STPG2: variants seen among roughly 807,000 people sequenced by gnomAD.
STPG2 encodes sperm-tail PG-rich repeat-containing protein 2.
In STPG2, 56 loss-of-function variants were observed where a neutral mutation model predicts 54.2. That is an observed-to-expected ratio of 1.03 (90% CI 0.83 to 1.29). The LOEUF (loss-of-function observed/expected upper bound fraction) is 1.29. Ranked by LOEUF, STPG2 falls within the 50% of genes most tolerant of loss-of-function variation. The pLI is 0.00. For synonymous variants in STPG2, 200 were observed against 181.8 expected, an observed-to-expected ratio of 1.10 and a Z score of -0.81; for missense variants, 596 against 544.9, an observed-to-expected ratio of 1.09 and a Z score of -0.93.
chr4:98,083,792 T>C (rs536671863), intron 5 of STPG2, among the ~76,000 whole-genome samples: 2 of 152,306 alleles, frequency 1.3e-5, no homozygotes, highest in Middle Eastern at 3.4e-3. Context: ...ATATAGAATG[T>C]TAATATCACC....
At chr4:97,444,448 A>G (rs1199435986) in intron 4 of STPG2, among the ~76,000 whole-genome samples, 1 of 152,222 alleles carries the variant, frequency 6.6e-6, no homozygotes, top group African/African-American at 2.4e-5. Context: ...ACTTCATTAG[A>G]AACTATAGAG....
chr4:97,787,827 T>A (rs1024621728), intron 9 of STPG2, among the ~76,000 whole-genome samples: 1 of 151,860 alleles, frequency 6.6e-6, no homozygotes, highest in African/African-American at 2.4e-5. Context: ...CAGTAACTTA[T>A]GTATCTTGAC....
chr4:98,010,074 C>T (rs1336368507), intron 5 of STPG2, among the ~76,000 whole-genome samples: 1 of 151,674 alleles, frequency 6.6e-6, no homozygotes, highest in African/African-American at 2.4e-5. Flanking sequence ...TTTCATTGAT[C>T]TTCTGCATTT....
chr4:98,020,599 G>A (rs1736147192), intron 5 of STPG2, among the ~76,000 whole-genome samples: 1 of 152,164 alleles, frequency 6.6e-6, no homozygotes, highest in African/African-American at 2.4e-5. Context: ...AATGGTACCA[G>A]CTCCTCCTTG....
At chr4:97,957,393 G>GAA (rs1212521672) in intron 7 of STPG2, among the ~76,000 whole-genome samples, 3 of 151,488 alleles carry the variant, frequency 2.0e-5, no homozygotes. Context: ...AAAAAAATAA[G>GAA]AAAATATGAA....
intron 10 of STPG2, among the ~76,000 whole-genome samples, chr4:97,635,116 A>ATTCC (rs1343318735): frequency 6.6e-6 from 1 of 151,778 alleles, no homozygotes; most frequent in African/African-American, 2.4e-5. Context: ...CTCAAAGGGA[A>ATTCC]GCCCATCAGA....
chr4:97,730,089 G>A (rs893087167), intron 9 of STPG2, among the ~76,000 whole-genome samples: 1 of 152,140 alleles, frequency 6.6e-6, no homozygotes. Context: ...GAGTGTGACT[G>A]AACCCATAAC....
chr4:97,548,042 C>T (rs1355154864), intron 4 of STPG2, among the ~76,000 whole-genome samples: 1 of 152,006 alleles, frequency 6.6e-6, no homozygotes, highest in Admixed American at 6.6e-5. Context: ...CCCAGCTACT[C>T]GGGAGGCTGA....
intron 4 of STPG2, among the ~76,000 whole-genome samples, chr4:97,541,242 T>G (rs558604809): frequency 7.0e-4 from 107 of 152,200 alleles, no homozygotes; most frequent in African/African-American, 2.3e-3. Flanking sequence ...GCCCAAAATC[T>G]CCTTAAGCTG....
chr4:97,488,518 C>T (rs887603797), intron 4 of STPG2, among the ~76,000 whole-genome samples: 2 of 151,600 alleles, frequency 1.3e-5, no homozygotes, highest in Non-Finnish European at 3.0e-5. Flanking sequence ...AACAAATAGA[C>T]AAAATAGAAA....
At chr4:97,551,284 A>C (rs918434910) in intron 4 of STPG2, among the ~76,000 whole-genome samples, 9 of 152,212 alleles carry the variant, frequency 5.9e-5, no homozygotes, top group Non-Finnish European at 1.2e-4. Context: ...TACAGAGAAA[A>C]ATAGAGTATC....
At chr4:97,889,599 T>C (rs1396647371) in intron 8 of STPG2, among the ~76,000 whole-genome samples, 2 of 152,130 alleles carry the variant, frequency 1.3e-5, no homozygotes, top group Non-Finnish European at 2.9e-5. Context: ...CACTAATATG[T>C]GGAATTGAAA....
At chr4:98,030,286 G>A (rs1267172798) in intron 5 of STPG2, among the ~76,000 whole-genome samples, 4 of 152,092 alleles carry the variant, frequency 2.6e-5, no homozygotes, top group Admixed American at 2.0e-4. Flanking sequence ...TCTGGCTTCT[G>A]CACAGCTCAC....
At chr4:97,811,489 G>A (rs924405701) in intron 9 of STPG2, among the ~76,000 whole-genome samples, 23 of 151,778 alleles carry the variant, frequency 1.5e-4, no homozygotes, top group Admixed American at 3.9e-4. Context: ...TTTAAACATA[G>A]TTCCATTGTC....
intron 9 of STPG2, among the ~76,000 whole-genome samples, chr4:97,752,955 C>T (rs936204): frequency 0.84 from 127,259 of 151,754 alleles, 53,524 homozygotes; most frequent in Middle Eastern, 0.94. Flanking sequence ...TTATTCATTG[C>T]CATGTCAATC....
chr4:97,567,053 A>C (rs891753573), intron 10 of STPG2, among the ~76,000 whole-genome samples: 3 of 151,838 alleles, frequency 2.0e-5, no homozygotes, highest in Non-Finnish European at 4.4e-5. Context: ...TAAATAAATA[A>C]ATAAAAGAAA....
chr4:97,585,091 A>G (rs1281909626), intron 10 of STPG2, among the ~76,000 whole-genome samples: 1 of 143,800 alleles, frequency 7.0e-6, no homozygotes, highest in Non-Finnish European at 1.5e-5. Flanking sequence ...GAAAGGACAT[A>G]AAATATTCTC....
chr4:98,030,327 A>G (rs1736555793), intron 5 of STPG2, among the ~76,000 whole-genome samples: 1 of 152,132 alleles, frequency 6.6e-6, no homozygotes, highest in Non-Finnish European at 1.5e-5. Context: ...TGTGATAACT[A>G]TCTCTACTCC....
At chr4:98,060,295 C>T (rs933610606) in intron 5 of STPG2, among the ~76,000 whole-genome samples, 1 of 152,106 alleles carries the variant, frequency 6.6e-6, no homozygotes, top group African/African-American at 2.4e-5. Flanking sequence ...ACAGCCAAAT[C>T]AGAAAGTCAA....
Sources: allele counts gnomAD v4.1 joint callset (sites outside exome capture counted in the v4.1 genomes callset), GRCh38; gene constraint gnomAD v4.1.1; transcripts MANE v1.5; gene names NCBI Gene and HGNC (gene_info 2026-07-23, HGNC 2026-07-21).